IL1RAPL2: variants seen among roughly 807,000 people sequenced by gnomAD.
IL1RAPL2 encodes the protein X-linked interleukin-1 receptor accessory protein-like 2.
A neutral mutation model predicts 44.1 loss-of-function variants in IL1RAPL2; 3 were observed. The ratio of observed to expected loss-of-function variants is 0.07; its 90% CI spans 0.03 to 0.18. The LOEUF (loss-of-function observed/expected upper bound fraction) is 0.18, where lower values mean the gene tolerates loss of function less well. Ranked by LOEUF, IL1RAPL2 falls within the 10% of genes least tolerant of loss-of-function variation. The probability of loss-of-function intolerance (pLI) is 1.00; values close to 1 mark genes in which losing one functional copy is unlikely to be tolerated. For missense variants in IL1RAPL2, 391 were observed against 496.4 expected (o/e 0.79, Z 2.02); for synonymous variants, 181 against 178.8 (o/e 1.01, Z -0.10).
chrX:104,889,792 A>G (rs1170595480), intron 2 of IL1RAPL2, among the ~76,000 whole-genome samples: 2 of 92,720 alleles, frequency 2.2e-5, no homozygotes, highest in Non-Finnish European at 4.7e-5. Flanking sequence ...TTATTTTACA[A>G]TCCCAAATAG....
chrX:104,916,309 A>G (rs1349104182), intron 2 of IL1RAPL2, among the ~76,000 whole-genome samples: 179 of 111,224 alleles, frequency 1.6e-3, no homozygotes, highest in East Asian at 4.6e-3. Flanking sequence ...GGATTCCTAG[A>G]TATTTTATTC....
At chrX:104,926,217 C>T (rs1332883221) in intron 2 of IL1RAPL2, among the ~76,000 whole-genome samples, 2 of 111,856 alleles carry the variant, frequency 1.8e-5, no homozygotes, top group African/African-American at 6.5e-5. Flanking sequence ...AAATCATTTC[C>T]AATGTCTGAA....
intron 2 of IL1RAPL2, among the ~76,000 whole-genome samples, chrX:105,025,574 C>T (rs184218355): frequency 2.4e-3 from 263 of 111,020 alleles, no homozygotes; most frequent in African/African-American, 7.3e-3. Context: ...GGGTATGGGG[C>T]TGTAAAGTTT....
intron 6 of IL1RAPL2, among the ~76,000 whole-genome samples, chrX:105,561,011 G>A (rs1265837072): frequency 1.8e-5 from 2 of 111,560 alleles, no homozygotes; most frequent in African/African-American, 6.5e-5. Flanking sequence ...ATTACGTTAT[G>A]AAAGTTAGTG....
chrX:105,237,257 G>A (rs2034128465), intron 4 of IL1RAPL2, among the ~76,000 whole-genome samples: 1 of 111,883 alleles, frequency 8.9e-6, no homozygotes, highest in South Asian at 3.7e-4. Flanking sequence ...TGGACATTTG[G>A]GTTGGTTCCA....
chrX:105,527,177 G>A (rs1238915642), intron 6 of IL1RAPL2, among the ~76,000 whole-genome samples: 1 of 111,263 alleles, frequency 9.0e-6, no homozygotes, highest in East Asian at 2.8e-4. Flanking sequence ...CAAAAGACTA[G>A]TTTCTAGAGT....
At chrX:104,599,658 AC>A (rs1928836556) in intron 1 of IL1RAPL2, among the ~76,000 whole-genome samples, 1 of 92,670 alleles carries the variant, frequency 1.1e-5, no homozygotes, top group African/African-American at 5.5e-5. Flanking sequence ...TAGCACACAC[AC>A]ACACACACAC....
Position 104,676,731 on chromosome X carries a change from A to G in IL1RAPL2, c.82+17736A>G, listed in dbSNP as rs1230873141. Among the ~76,000 whole-genome samples, 582 of 111,933 alleles carry G rather than the reference A, an allele frequency of 5.2e-3. 1 individual carries two copies. The highest frequency in any genetic ancestry group is 0.014 in the African/African-American group (434 of 30,829). On this transcript the variant is annotated intron_variant, in intron 2 of 10. Coordinates refer to ENST00000372582, the MANE Select transcript of IL1RAPL2 (RefSeq NM_017416.2). Reference sequence around the variant, plus strand: ...GTTCCATTCTCCCCGTCACTTTCAGATACACCAATCAGACGTAGATTTGGT... The same window carrying G: ...GTTCCATTCTCCCCGTCACTTTCAGGTACACCAATCAGACGTAGATTTGGT...
At chrX:104,908,384 G>A (rs1319930902) in intron 2 of IL1RAPL2, among the ~76,000 whole-genome samples, 1 of 111,620 alleles carries the variant, frequency 9.0e-6, no homozygotes, top group Non-Finnish European at 1.9e-5. Context: ...AGTTGATGCA[G>A]TTTCTTCCTA....
At chrX:104,717,589 ACACT>A (rs760228519) in intron 2 of IL1RAPL2, among the ~76,000 whole-genome samples, 3 of 110,386 alleles carry the variant, frequency 2.7e-5, no homozygotes, top group Non-Finnish European at 3.8e-5. Flanking sequence ...GGGGGGGCAG[ACACT>A]CAATCAACAA....
intron 5 of IL1RAPL2, among the ~76,000 whole-genome samples, chrX:105,431,040 T>G (rs887993695): frequency 8.9e-6 from 1 of 112,336 alleles, no homozygotes; most frequent in Non-Finnish European, 1.9e-5. Flanking sequence ...CAGTAAAACT[T>G]ATTTAGTAAA....
chrX:105,097,108 C>T (rs937811645), intron 2 of IL1RAPL2, among the ~76,000 whole-genome samples: 2 of 109,263 alleles, frequency 1.8e-5, no homozygotes, highest in Non-Finnish European at 3.8e-5. Context: ...GCGGGCGGAT[C>T]ATGAGGTCAG....
At chrX:104,710,320 A>G (rs1300120624) in intron 2 of IL1RAPL2, among the ~76,000 whole-genome samples, 1 of 111,520 alleles carries the variant, frequency 9.0e-6, no homozygotes, top group East Asian at 2.8e-4. Flanking sequence ...GGTAACGTAC[A>G]ATGTGGACAA....
chrX:104,851,768 G>T (rs1165486225), intron 2 of IL1RAPL2, among the ~76,000 whole-genome samples: 1 of 111,469 alleles, frequency 9.0e-6, no homozygotes, highest in Non-Finnish European at 1.9e-5. Context: ...CTGCAGGCTG[G>T]CTTCTGTTGA....
chrX:105,285,932 G>A (rs114002938), intron 5 of IL1RAPL2, among the ~76,000 whole-genome samples: 4,078 of 111,429 alleles, frequency 0.037, 208 homozygotes, highest in African/African-American at 0.12. Flanking sequence ...TGTCAAAGGA[G>A]GACAATTTTC....
rs1348422242 is a variant in IL1RAPL2 at position 105,087,479 on chromosome X, C to T, written c.83-107996C>T. 2.7e-5 allele frequency among the ~76,000 whole-genome samples: 3 copies of T among 111,681 alleles called. No homozygotes were observed. In the East Asian group the frequency reaches 8.5e-4, roughly 31 times the overall value. On this transcript the variant is annotated intron_variant, in intron 2 of 10. Transcript: ENST00000372582. ...AAGCAAACACATTATTCCTTGTGGG[C>T]CAGGGCTTATTATCACAGAATTCTA...
chrX:104,686,963 C>T (rs1447657693), intron 2 of IL1RAPL2, among the ~76,000 whole-genome samples: 2 of 112,319 alleles, frequency 1.8e-5, no homozygotes, highest in Non-Finnish European at 3.8e-5. Context: ...GAGCACTTGA[C>T]ATGTAAGACT....
At chrX:104,673,869 G>A in intron 2 of IL1RAPL2, among the ~76,000 whole-genome samples, 1 of 109,516 alleles carries the variant, frequency 9.1e-6, no homozygotes, top group Non-Finnish European at 1.9e-5. Flanking sequence ...AATTGTGAAT[G>A]GGAGTTCACT....
intron 6 of IL1RAPL2, among the ~76,000 whole-genome samples, chrX:105,493,896 C>A (rs1037384916): frequency 9.0e-6 from 1 of 111,543 alleles, no homozygotes; most frequent in Admixed American, 9.5e-5. Context: ...GCCACAACTC[C>A]TTTTTAAATA....
Sources: gnomAD v4.1 joint callset for allele counts (sites outside exome capture counted in the v4.1 genomes callset) on GRCh38, gnomAD v4.1.1 for gene constraint, MANE v1.5 for transcripts, NCBI Gene and HGNC (gene_info 2026-07-23, HGNC 2026-07-21) for gene names.